The following FER1L5 variants were observed in gnomAD, a reference collection of about 807,000 sequenced individuals.
FER1L5 encodes the protein fer-1 like family member 5.
In FER1L5, 187 loss-of-function variants were observed where a neutral mutation model predicts 279.9. That is an observed-to-expected ratio of 0.67 (90% CI 0.59 to 0.75). The LOEUF is 0.75. Among genes scored for constraint, FER1L5 ranks in the 30% least tolerant of loss-of-function variants. The pLI, the probability that FER1L5 is intolerant of heterozygous loss-of-function variation, is 0.00. For synonymous variants in FER1L5, 921 were observed against 989.7 expected (o/e 0.93, Z 1.30); for missense variants, 2,091 against 2,594.4 (o/e 0.81, Z 4.21).
At chr2:96,655,497 T>C (rs1005676530) in intron 9 of FER1L5, among the ~76,000 whole-genome samples, 1 of 152,212 alleles carries the variant, frequency 6.6e-6, no homozygotes, top group African/African-American at 2.4e-5. Context: ...TTAATTTAAG[T>C]GGGCATCTTC....
rs555445704 is a variant in FER1L5, at chr2:96,656,411, C to T, written c.747+1915C>T. Among the ~76,000 whole-genome samples the T allele has an allele frequency of 3.2e-3, 486 of 152,278 alleles. 3 individuals are homozygous for T. Among genetic ancestry groups the T allele is most frequent in the African/African-American group, 0.011 (451 of 41,556 alleles). On this transcript the variant is annotated intron_variant, in intron 9 of 52. Coordinates refer to ENST00000624922, the MANE Select transcript of FER1L5 (RefSeq NM_001293083.2). Reference sequence around the variant, plus strand: ...CAGCACTTTGGGAGGTCAAGGCAGGCGGATCACCTGAAGTCAGGAGTTCAA... The same window carrying T: ...CAGCACTTTGGGAGGTCAAGGCAGGTGGATCACCTGAAGTCAGGAGTTCAA...
chr2:96,694,240 C>A lies in FER1L5; in HGVS notation c.3637-120C>A. On this transcript the variant is annotated intron_variant, in intron 33 of 52. Coordinates refer to ENST00000624922, the MANE Select transcript of FER1L5 (RefSeq NM_001293083.2). This position sits in a 1 kb window ranked among gnomAD's most constrained non-coding sequence, Gnocchi z 4.6. Reference sequence around the variant, plus strand: ...CTGACCAGCCTCTCCCCTAAGTCCCCCTGCCAGCCCCTACCCATGGGGCTC... The same window carrying A: ...CTGACCAGCCTCTCCCCTAAGTCCCACTGCCAGCCCCTACCCATGGGGCTC... 4 of 1,298,476 alleles carry A rather than the reference C, an allele frequency of 3.1e-6. No individual in the cohort carries two copies. The highest frequency in any genetic ancestry group is 4.1e-6 in the Non-Finnish European group (4 of 966,982). The allele number at this position is 1,298,476 out of a possible 1,614,324, so 80.4% of individuals were successfully genotyped here.
At chr2:96,661,175 G>A (rs1573827101) in intron 10 of FER1L5, 150 bp from the exon 11 acceptor site, 7 of 585,594 alleles carry the variant, frequency 1.2e-5, no homozygotes, top group East Asian at 5.9e-5. Context: ...TTCGTGGTAC[G>A]AGTGACTCCC....
chr2:96,660,171 C>T (rs2106519467), intron 9 of FER1L5, among the ~76,000 whole-genome samples, 170 bp from the exon 10 acceptor site: 1 of 152,260 alleles, frequency 6.6e-6, no homozygotes, highest in South Asian at 2.1e-4. Context: ...TCTTCCTCTG[C>T]AGAGTAGAGG....
At position 96,673,213 on chromosome 2, in the gene FER1L5, C is replaced by G. The variant is rs1471997612; in HGVS notation, c.1628C>G (p.Pro543Arg). Residue 543 changes from proline (P) to arginine (R), a missense_variant, in exon 19 of 53, where the codon CCT becomes CGT. Transcript: ENST00000624922. ...AACAAGATGGACCTGAATTACAAGC[C>G]TCTAGTCTCAAGCACACCGTACAGC... ...YGNKMDLNYK[P>R]LVSSTPYSPV... 1 of 1,551,344 alleles carries G rather than the reference C, an allele frequency of 6.4e-7. No individual in the cohort carries two copies. Among genetic ancestry groups the G allele is most frequent in the Non-Finnish European group, 8.7e-7 (1 of 1,146,942 alleles).
In FER1L5 at chr2:96,661,771, GCGCAGAGGACCTT is replaced by G; in HGVS notation, c.1000_1012del (p.Ala334ThrfsTer8). 1 of 1,551,724 alleles carries G rather than the reference GCGCAGAGGACCTT, an allele frequency of 6.4e-7. No individual in the cohort carries two copies. On this transcript the variant is annotated frameshift_variant, in exon 12 of 53. Transcript: ENST00000624922. LOFTEE classifies it high-confidence loss of function. Reference sequence around the variant, plus strand: ...GCTTACTTACAGCTCTTCATCTACTGCGCAGAGGACCTTCACCTCAGTTAGAGTCTGGGTGCAG... The same window carrying G: ...GCTTACTTACAGCTCTTCATCTACTGCACCTCAGTTAGAGTCTGGGTGCAG...
At position 96,700,253 on chromosome 2, in the gene FER1L5, C is replaced by T. The variant is rs905680997; in HGVS notation, c.4931-79C>T. On this transcript the variant is annotated intron_variant, in intron 44 of 52. Coordinates refer to ENST00000624922, the MANE Select transcript of FER1L5 (RefSeq NM_001293083.2). Reference sequence around the variant, plus strand: ...CCTTCACTCCTACCCAGGCTGCGGTCGGGAGGGTAAGAGCCTACCTAGGAG... The same window carrying T: ...CCTTCACTCCTACCCAGGCTGCGGTTGGGAGGGTAAGAGCCTACCTAGGAG... The T allele has an allele frequency of 1.6e-5, 26 of 1,591,884 alleles. No individual in the cohort carries two copies. The East Asian group carries it at 2.5e-4, about 15-fold the overall frequency.
intron 12 of FER1L5, 55 bp from the exon 13 acceptor site, chr2:96,662,160 T>G (rs1404307495): frequency 6.6e-7 from 1 of 1,525,468 alleles, no homozygotes; most frequent in African/African-American, 1.4e-5. Flanking sequence ...CCACCCTATT[T>G]CCTCCTCCTG....
In FER1L5 at chr2:96,687,931, C is replaced by T. The variant is rs112774283; in HGVS notation, c.2345C>T (p.Ala782Val). The change falls in exon 24 of 53, where the codon GCG becomes GTG. Residue 782 changes from alanine (A) to valine (V), a missense_variant. By Grantham distance (64) the Ala-to-Val change is moderately conservative (BLOSUM62 0). Transcript: ENST00000624922. ...DLQLLRQGDT[A>V]VYAEMYENQA... is the part of the protein sequence containing the mutation. The stretch of plus-strand genomic sequence containing the variant: ...CAGCTGCTCCGCCAGGGTGACACAG[C>T]GGTGTACGCCGAGATGGTGAGTGGT... 15 of 1,550,862 alleles carry T rather than the reference C, an allele frequency of 9.7e-6. No individual in the cohort carries two copies. The highest frequency in any genetic ancestry group is 3.6e-5 in the South Asian group (3 of 84,064).
chr2:96,649,281 T>C (rs555876301), intron 4 of FER1L5, among the ~76,000 whole-genome samples: 3 of 152,168 alleles, frequency 2.0e-5, no homozygotes, highest in South Asian at 4.2e-4. Flanking sequence ...TCATGAGATG[T>C]TGGGCTAGGG....
At chr2:96,657,292 C>T (rs570153378) in intron 9 of FER1L5, among the ~76,000 whole-genome samples, 1 of 151,980 alleles carries the variant, frequency 6.6e-6, no homozygotes, top group Admixed American at 6.6e-5. Flanking sequence ...CCAGGCTGGT[C>T]TCAAACTCCT....
rs1397437047 is a variant in FER1L5, at chr2:96,684,358, C to T, written c.1701C>T (p.Asn567=). The change falls in exon 20 of 53, where the codon AAC becomes AAT. Residue 567 remains asparagine (N), a synonymous_variant. Transcript: ENST00000624922. ...GNIYHYVPWY[N]TKPVVAVTSN... ...TCTACCATTATGTGCCCTGGTACAA[C>T]ACCAAGCCTGTCGTGGCCGTGACCT... is the stretch of plus-strand genomic sequence containing the variant. 6.4e-7 allele frequency: 1 copy of T among 1,551,612 alleles called. No individual in the cohort carries two copies. The highest frequency in any genetic ancestry group is 8.7e-7 in the Non-Finnish European group (1 of 1,147,002).
At chr2:96,693,476 A>G (rs768310680) in intron 31 of FER1L5, 30 bp from the exon 32 acceptor site, 6 of 1,534,556 alleles carry the variant, frequency 3.9e-6, no homozygotes, top group Middle Eastern at 1.7e-4. Flanking sequence ...CCAGCTCAAG[A>G]CACTGCTACC....
At chr2:96,646,845 C>A (rs191374170) in intron 2 of FER1L5, among the ~76,000 whole-genome samples, 3 of 152,232 alleles carry the variant, frequency 2.0e-5, no homozygotes, top group Admixed American at 6.5e-5. Flanking sequence ...TCCCAACAGG[C>A]CAATGATACT....
At chr2:96,647,590 C>T (rs1186559141) in intron 3 of FER1L5, among the ~76,000 whole-genome samples, 188 bp from the exon 4 acceptor site, 1 of 152,214 alleles carries the variant, frequency 6.6e-6, no homozygotes, top group East Asian at 1.9e-4. Flanking sequence ...AGCCCCAAGA[C>T]AGTTCTCAGA....
intron 37 of FER1L5, among the ~76,000 whole-genome samples, chr2:96,696,418 G>A (rs544454790): frequency 6.6e-6 from 1 of 151,872 alleles, no homozygotes; most frequent in Non-Finnish European, 1.5e-5. Flanking sequence ...TCAGCCTCTT[G>A]AGCAGCTGGG....
chr2:96,654,635 C>A (rs899719025), intron 9 of FER1L5, 139 bp downstream of exon 9: 1 of 381,602 alleles, frequency 2.6e-6, no homozygotes, highest in African/African-American at 2.1e-5. Flanking sequence ...TGCAGTGGCT[C>A]GCACCTGTAA....
chr2:96,696,114 G>C, intron 37 of FER1L5, 37 bp downstream of exon 37: 1 of 1,612,710 alleles, frequency 6.2e-7, no homozygotes, highest in Non-Finnish European at 8.5e-7. Context: ...CTCCCATACT[G>C]TTGACGGGGT....
In FER1L5 at chr2:96,689,234, A is replaced by G. The variant is rs1412511683; in HGVS notation, c.2383A>G (p.Lys795Glu). 1.3e-6 allele frequency: 2 copies of G among 1,550,406 alleles called. No individual in the cohort carries two copies. The highest frequency in any genetic ancestry group is 1.4e-5 in the African/African-American group (1 of 72,966). Residue 795 changes from lysine to glutamate, a missense_variant, in exon 25 of 53, where the codon AAA becomes GAA. Coordinates refer to ENST00000624922, the MANE Select transcript of FER1L5 (RefSeq NM_001293083.2). This position sits in a 1 kb window ranked among gnomAD's most constrained non-coding sequence, Gnocchi z 4.6. ...CTAGTATGAGAATCAGGCCAAGTAT[A>G]AAGACCAGTGGGGGCAGCAGGGGCT... ...AEMYENQAKY[K>E]DQWGQQGLYH...
Sources: gnomAD v4.1 joint callset for allele counts (sites outside exome capture counted in the v4.1 genomes callset) on GRCh38, gnomAD v4.1.1 for gene constraint, Gnocchi (gnomAD v3.1) non-coding constraint, MANE v1.5 for transcripts, NCBI Gene and HGNC (gene_info 2026-07-23, HGNC 2026-07-21) for gene names.